VPS13A: variants seen among roughly 807,000 people sequenced by gnomAD.
VPS13A encodes the protein vacuolar protein sorting 13 homolog A, also known as intermembrane lipid transfer protein VPS13A.
Under a neutral mutation model 390.9 loss-of-function variants are expected in VPS13A, and 264 were observed. That is an observed-to-expected ratio of 0.68 (90% CI 0.61 to 0.75). The LOEUF is 0.75. Among genes scored for constraint, VPS13A ranks in the 30% least tolerant of loss-of-function variants. The pLI, the probability that VPS13A is intolerant of heterozygous loss-of-function variation, is 0.00. For synonymous variants in VPS13A, 1,231 were observed against 1,227.1 expected, an observed-to-expected ratio of 1.00 and a Z score of -0.07; for missense variants, 3,409 against 3,733.9, an observed-to-expected ratio of 0.91 and a Z score of 2.27.
At chr9:77,339,365 A>G (rs900880296) in intron 47 of VPS13A, 151 bp from the exon 48 acceptor site, 18 of 729,188 alleles carry the variant, frequency 2.5e-5, no homozygotes, top group East Asian at 1.6e-4. Context: ...ACAGTTGACA[A>G]AGTTAGAACT....
chr9:77,327,586 GTTA>G (rs1399706794), intron 45 of VPS13A, among the ~76,000 whole-genome samples: 2 of 151,720 alleles, frequency 1.3e-5, no homozygotes, highest in African/African-American at 4.8e-5. Context: ...TAAACAACTT[GTTA>G]TTATCTATTC....
At chr9:77,197,667 A>G (rs1302871712) in intron 1 of VPS13A, among the ~76,000 whole-genome samples, 1 of 152,126 alleles carries the variant, frequency 6.6e-6, no homozygotes, top group Admixed American at 6.6e-5. Flanking sequence ...ACATATACAT[A>G]ATGAGATATC....
intron 23 of VPS13A, among the ~76,000 whole-genome samples, chr9:77,269,109 A>T (rs1002396284): frequency 5.3e-5 from 8 of 152,088 alleles, no homozygotes; most frequent in Non-Finnish European, 1.2e-4. Flanking sequence ...TTTTCTCTAG[A>T]TATTGAGCTT....
chr9:77,317,526 C>A, intron 39 of VPS13A, 80 bp from the exon 40 acceptor site: 1 of 1,044,136 alleles, frequency 9.6e-7, no homozygotes, highest in Non-Finnish European at 1.4e-6. Context: ...ATTTGACATA[C>A]CTATTACTAG....
intron 68 of VPS13A, among the ~76,000 whole-genome samples, chr9:77,399,186 AAAAAAAAAAAAAAAAAAAAC>A (rs1563990828): frequency 4.9e-4 from 58 of 118,484 alleles, no homozygotes; most frequent in Admixed American, 1.9e-3. Flanking sequence ...AAAAATAAAA[AAAAAAAAAAAAAAAAAAAAC>A]AAAGGATACG....
At chr9:77,202,893 GT>G (rs919734776) in intron 3 of VPS13A, among the ~76,000 whole-genome samples, 9 of 152,102 alleles carry the variant, frequency 5.9e-5, no homozygotes, top group Admixed American at 1.3e-4. Context: ...AAATATCACT[GT>G]TTTTTCCCCC....
intron 6 of VPS13A, among the ~76,000 whole-genome samples, chr9:77,210,179 C>CTCTCTCTCTT (rs1287572115): frequency 1.5e-5 from 2 of 133,728 alleles, no homozygotes; most frequent in Admixed American, 7.5e-5. Flanking sequence ...CTCTCTCTCT[C>CTCTCTCTCTT]TCTCTTTCTC....
chr9:77,179,098 A>C (rs2131035814), intron 1 of VPS13A, among the ~76,000 whole-genome samples: 1 of 152,292 alleles, frequency 6.6e-6, no homozygotes, highest in South Asian at 2.1e-4. Flanking sequence ...GTGAAAATAA[A>C]ATTTGTCTCC....
At chr9:77,184,228 C>G (rs551851503) in intron 1 of VPS13A, among the ~76,000 whole-genome samples, 1 of 152,306 alleles carries the variant, frequency 6.6e-6, no homozygotes, top group African/African-American at 2.4e-5. Flanking sequence ...TAATTTATTC[C>G]TACCCTCATC....
intron 19 of VPS13A, among the ~76,000 whole-genome samples, chr9:77,244,400 C>A (rs1022273968): frequency 1.3e-5 from 2 of 152,104 alleles, no homozygotes; most frequent in Non-Finnish European, 2.9e-5. Flanking sequence ...ATTCTTGTGT[C>A]TTTCTGGTAA....
intron 52 of VPS13A, among the ~76,000 whole-genome samples, chr9:77,350,514 T>C (rs934482335): frequency 3.9e-5 from 6 of 152,210 alleles, no homozygotes; most frequent in African/African-American, 1.4e-4. Context: ...GTTCGAAATG[T>C]CTTATTCTTA....
At chr9:77,303,412 A>G (rs1318128204) in intron 34 of VPS13A, among the ~76,000 whole-genome samples, 1 of 151,994 alleles carries the variant, frequency 6.6e-6, no homozygotes, top group Non-Finnish European at 1.5e-5. Flanking sequence ...ATTGTGGTAA[A>G]TTTAATGAAG....
At chr9:77,207,213 TTATATATA>T (rs61703004) in intron 5 of VPS13A, among the ~76,000 whole-genome samples, 1,071 of 43,102 alleles carry the variant, frequency 0.025, 35 homozygotes, top group African/African-American at 0.037. Flanking sequence ...TATTTAGATA[TTATATATA>T]TATATATATA....
chr9:77,327,651 T>C (rs528634806), intron 45 of VPS13A, among the ~76,000 whole-genome samples: 3 of 148,178 alleles, frequency 2.0e-5, no homozygotes, highest in Non-Finnish European at 4.6e-5. Context: ...ATTATTATTA[T>C]TATATATTAA....
At chr9:77,343,498 A>T (rs1830953883) in intron 50 of VPS13A, among the ~76,000 whole-genome samples, 1 of 152,166 alleles carries the variant, frequency 6.6e-6, no homozygotes, top group Admixed American at 6.5e-5. Flanking sequence ...TAGCTTACAG[A>T]CAAGGCTGGT....
chr9:77,332,260 G>C (rs1004711024), intron 46 of VPS13A, 147 bp downstream of exon 46: 54 of 625,912 alleles, frequency 8.6e-5, no homozygotes, highest in Non-Finnish European at 1.4e-4. Flanking sequence ...TCTTAAAAAA[G>C]AAGTATTATT....
intron 23 of VPS13A, among the ~76,000 whole-genome samples, chr9:77,268,153 T>A (rs1212825573): frequency 6.6e-6 from 1 of 151,848 alleles, no homozygotes; most frequent in Non-Finnish European, 1.5e-5. Flanking sequence ...TCCAAGGGAG[T>A]GAAAGGTTCA....
rs896111382 is a variant in VPS13A at position 77,252,355 on chromosome 9, A to G, written c.2288+3A>G. 6.9e-6 allele frequency: 11 copies of G among 1,604,462 alleles called. No homozygotes were observed. Among genetic ancestry groups the G allele is most frequent in the Admixed American group, 3.3e-5 (2 of 59,974 alleles). ...TTCATGGATGTAAGGATGCCCAAGT[A>G]TGTACTGTTTGTTTCATGTGAATAT... On this transcript the variant is annotated splice_donor_region_variant and intron_variant, in intron 22 of 71. Coordinates refer to ENST00000360280, the MANE Select transcript of VPS13A (RefSeq NM_033305.3).
intron 31 of VPS13A, among the ~76,000 whole-genome samples, chr9:77,287,445 G>T (rs1187075415): frequency 1.3e-5 from 2 of 151,838 alleles, no homozygotes; most frequent in Admixed American, 6.6e-5. Flanking sequence ...TACCTGCCTC[G>T]GTCTCCCAAA....
Sources: allele counts gnomAD v4.1 joint callset (sites outside exome capture counted in the v4.1 genomes callset), GRCh38; gene constraint gnomAD v4.1.1; transcripts MANE v1.5; gene names NCBI Gene and HGNC (gene_info 2026-07-23, HGNC 2026-07-21).